Variants in SGCZ observed in about 807,000 individuals in gnomAD.
The protein encoded by SGCZ is sarcoglycan zeta, also known as zeta-sarcoglycan.
A neutral mutation model predicts 41.3 loss-of-function variants in SGCZ; 40 were observed. The ratio of observed to expected loss-of-function variants is 0.97; its 90% CI spans 0.75 to 1.26. The LOEUF is 1.26. Among genes scored for constraint, SGCZ ranks in the 50% most tolerant of loss-of-function variants. SGCZ has a pLI of 0.00. For synonymous variants in SGCZ, 206 were observed against 137.5 expected, an observed-to-expected ratio of 1.50 and a Z score of -3.49; for missense variants, 552 against 369.8, an observed-to-expected ratio of 1.49 and a Z score of -4.04.
At chr8:14,567,878 A>G (rs1410151305) in intron 1 of SGCZ, among the ~76,000 whole-genome samples, 1 of 152,202 alleles carries the variant, frequency 6.6e-6, no homozygotes, top group Non-Finnish European at 1.5e-5. Flanking sequence ...GAGACCACGA[A>G]TCCACCAGAA....
At chr8:14,893,541 T>C (rs973218617) in intron 1 of SGCZ, among the ~76,000 whole-genome samples, 2 of 152,202 alleles carry the variant, frequency 1.3e-5, no homozygotes, top group African/African-American at 4.8e-5. Context: ...TATTTTAATG[T>C]ATGTATGCTA....
chr8:14,471,550 G>C (rs62499723), intron 2 of SGCZ, among the ~76,000 whole-genome samples: 233 of 152,036 alleles, frequency 1.5e-3, no homozygotes, highest in Non-Finnish European at 2.7e-3. Flanking sequence ...TCCCCCATAT[G>C]AATTTCCTCA....
chr8:14,691,220 G>T (rs1041719222), intron 1 of SGCZ, among the ~76,000 whole-genome samples: 2 of 152,064 alleles, frequency 1.3e-5, no homozygotes, highest in Admixed American at 6.6e-5. Context: ...CTCACTATTT[G>T]GTGAATGAAA....
At chr8:14,186,209 T>C (rs1436298813) in intron 4 of SGCZ, among the ~76,000 whole-genome samples, 1 of 152,230 alleles carries the variant, frequency 6.6e-6, no homozygotes, top group Non-Finnish European at 1.5e-5. Context: ...AAAATCATTT[T>C]GAAAACAACA....
At chr8:14,778,708 G>C (rs193002051) in intron 1 of SGCZ, among the ~76,000 whole-genome samples, 85 of 152,288 alleles carry the variant, frequency 5.6e-4, no homozygotes, top group African/African-American at 1.9e-3. Flanking sequence ...CATATGGGCA[G>C]TAAACATTGA....
intron 1 of SGCZ, among the ~76,000 whole-genome samples, chr8:14,712,242 C>T (rs1809543425): frequency 6.6e-6 from 1 of 152,156 alleles, no homozygotes; most frequent in Non-Finnish European, 1.5e-5. Context: ...AAGTATTCCC[C>T]CTCTCCCTCC....
intron 3 of SGCZ, among the ~76,000 whole-genome samples, chr8:14,315,802 A>C (rs1391915185): frequency 6.6e-6 from 1 of 151,754 alleles, no homozygotes; most frequent in African/African-American, 2.4e-5. Flanking sequence ...AAAATATAAA[A>C]ATATTTAATT....
intron 2 of SGCZ, among the ~76,000 whole-genome samples, chr8:14,441,130 A>G (rs895476227): frequency 1.3e-5 from 2 of 152,178 alleles, no homozygotes; most frequent in Admixed American, 1.3e-4. Flanking sequence ...TTCTTCCAAT[A>G]TTCATCTGCT....
intron 2 of SGCZ, among the ~76,000 whole-genome samples, chr8:14,440,469 A>G (rs1800217299): frequency 6.6e-6 from 1 of 152,032 alleles, no homozygotes; most frequent in Non-Finnish European, 1.5e-5. Flanking sequence ...TGAAGTTTCC[A>G]TCGTTTCCTG....
intron 2 of SGCZ, among the ~76,000 whole-genome samples, chr8:14,447,663 G>C (rs1800471519): frequency 6.6e-6 from 1 of 152,036 alleles, no homozygotes; most frequent in Non-Finnish European, 1.5e-5. Context: ...CCACAATGAA[G>C]GATGAATTAG....
intron 1 of SGCZ, among the ~76,000 whole-genome samples, chr8:14,580,856 G>A (rs1423080646): frequency 6.6e-6 from 1 of 152,196 alleles, no homozygotes; most frequent in Non-Finnish European, 1.5e-5. Context: ...CCAGGCTCCA[G>A]CGATAGAAAC....
At chr8:15,044,261 C>T (rs1804219774) in intron 1 of SGCZ, among the ~76,000 whole-genome samples, 1 of 152,100 alleles carries the variant, frequency 6.6e-6, no homozygotes, top group Admixed American at 6.6e-5. Context: ...GACAAGGGGG[C>T]ACTGTTAAAC....
At chr8:14,565,849 A>G (rs1402959495) in intron 1 of SGCZ, among the ~76,000 whole-genome samples, 2 of 152,198 alleles carry the variant, frequency 1.3e-5, no homozygotes, top group African/African-American at 4.8e-5. Flanking sequence ...ACCAATGGTT[A>G]TGAAAAATCT....
chr8:14,729,417 A>T (rs947428195), intron 1 of SGCZ, among the ~76,000 whole-genome samples: 1 of 152,228 alleles, frequency 6.6e-6, no homozygotes, highest in Non-Finnish European at 1.5e-5. Context: ...TTTTGAAGAC[A>T]GGACCTTTTA....
chr8:15,223,759 A>G (rs1467906381), intron 1 of SGCZ, among the ~76,000 whole-genome samples: 1 of 152,212 alleles, frequency 6.6e-6, no homozygotes. Context: ...GATAGTATGG[A>G]GTCATTACAG....
At chr8:14,542,534 T>G (rs1188646646) in intron 2 of SGCZ, among the ~76,000 whole-genome samples, 1 of 152,076 alleles carries the variant, frequency 6.6e-6, no homozygotes, top group Non-Finnish European at 1.5e-5. Context: ...ATAAAGGAGA[T>G]TTGTCCATCC....
chr8:14,660,697 GA>G (rs1477468007), intron 1 of SGCZ, among the ~76,000 whole-genome samples: 1 of 151,940 alleles, frequency 6.6e-6, no homozygotes, highest in African/African-American at 2.4e-5. Flanking sequence ...AGAGACCAGT[GA>G]AATAATATTA....
At chr8:14,888,394 C>A (rs1391794803) in intron 1 of SGCZ, among the ~76,000 whole-genome samples, 1 of 152,090 alleles carries the variant, frequency 6.6e-6, no homozygotes, top group African/African-American at 2.4e-5. Flanking sequence ...CTTTTAATAA[C>A]CCTCTTGCAC....
chr8:14,856,054 T>C (rs1180279163), intron 1 of SGCZ, among the ~76,000 whole-genome samples: 3 of 152,232 alleles, frequency 2.0e-5, no homozygotes, highest in Non-Finnish European at 2.9e-5. Flanking sequence ...TTTATAACCC[T>C]ATGACTAATA....
Sources: gnomAD v4.1 joint callset for allele counts (sites outside exome capture counted in the v4.1 genomes callset) on GRCh38, gnomAD v4.1.1 for gene constraint, MANE v1.5 for transcripts, NCBI Gene and HGNC (gene_info 2026-07-23, HGNC 2026-07-21) for gene names.